Variants in CTNNA3 observed in about 807,000 individuals in gnomAD.
The protein encoded by CTNNA3 is catenin alpha 3, also known as catenin alpha-3.
Under a neutral mutation model 95.7 loss-of-function variants are expected in CTNNA3, and 76 were observed. The ratio of observed to expected loss-of-function variants is 0.79; its 90% CI spans 0.66 to 0.96. The LOEUF is 0.96. Among genes scored for constraint, CTNNA3 ranks in the 40% least tolerant of loss-of-function variants. The pLI is 0.00. For synonymous variants in CTNNA3, 431 were observed against 374.4 expected (o/e 1.15, Z -1.74); for missense variants, 1,191 against 1,089.8 (o/e 1.09, Z -1.31).
intron 2 of CTNNA3, among the ~76,000 whole-genome samples, chr10:67,627,058 G>A (rs1838981097): frequency 1.3e-5 from 2 of 152,130 alleles, no homozygotes; most frequent in Non-Finnish European, 1.5e-5. Flanking sequence ...TTGTTTCTAT[G>A]ATATTCTTGA....
intron 15 of CTNNA3, among the ~76,000 whole-genome samples, chr10:66,034,884 T>G (rs2079529500): frequency 7.1e-6 from 1 of 141,462 alleles, no homozygotes; most frequent in African/African-American, 2.6e-5. Flanking sequence ...AACATTTAAT[T>G]ATATGTTTAA....
chr10:66,511,109 T>TATGAAACTGATCTAAACCCCTTCAC (rs1465971727), intron 11 of CTNNA3, among the ~76,000 whole-genome samples: 1 of 151,890 alleles, frequency 6.6e-6, no homozygotes, highest in Non-Finnish European at 1.5e-5. Context: ...TGGTTCAATC[T>TATGAAACTGATCTAAACCCCTTCAC]TGGTATTTTA....
chr10:66,460,349 T>C (rs1380839290), intron 11 of CTNNA3, among the ~76,000 whole-genome samples: 1 of 152,204 alleles, frequency 6.6e-6, no homozygotes, highest in African/African-American at 2.4e-5. Flanking sequence ...AAGACTTTTT[T>C]CACAAATTAA....
At chr10:66,798,528 A>G (rs1437859693) in intron 7 of CTNNA3, among the ~76,000 whole-genome samples, 1 of 151,672 alleles carries the variant, frequency 6.6e-6, no homozygotes, top group Admixed American at 6.6e-5. Flanking sequence ...TATTTTAGTT[A>G]GGTAAATGGC....
rs374728122 is a variant in CTNNA3 at position 66,899,618 on chromosome 10, T to G, written c.1048-124094A>C. 3.9e-5 allele frequency among the ~76,000 whole-genome samples: 6 copies of G among 152,202 alleles called. No individual in the cohort carries two copies. The East Asian group carries it at 1.2e-3, about 29-fold the overall frequency. ...CTAGACAAGGGAAGCCATGACAGAC[T>G]GTACCGGGAAAAACGGTACACTTCC... On this transcript the variant is annotated intron_variant, in intron 7 of 17. Coordinates refer to ENST00000433211, the MANE Select transcript of CTNNA3 (RefSeq NM_013266.4).
intron 9 of CTNNA3, among the ~76,000 whole-genome samples, chr10:66,733,879 A>C (rs1043751830): frequency 4.0e-5 from 6 of 151,762 alleles, no homozygotes; most frequent in Non-Finnish European, 8.8e-5. Context: ...CTATTAGGTA[A>C]TCTTTAAAAA....
chr10:66,198,802 C>T (rs1035747444), intron 13 of CTNNA3, among the ~76,000 whole-genome samples: 1 of 152,080 alleles, frequency 6.6e-6, no homozygotes, highest in Non-Finnish European at 1.5e-5. Context: ...TCCAAAAGTC[C>T]TATGAGCGAA....
Position 66,827,538 on chromosome 10 carries a change from C to T in CTNNA3, c.1048-52014G>A, listed in dbSNP as rs12253523. On this transcript the variant is annotated intron_variant, in intron 7 of 17. Transcript: ENST00000433211. The stretch of plus-strand genomic sequence containing the variant: ...GTGGAAAAAGTCTCGTAATTGGAAA[C>T]CAGAGTCTGTTTGAGTCATGGTTCT... Among the ~76,000 whole-genome samples the T allele has an allele frequency of 2.5e-3, 374 of 152,246 alleles. 2 individuals carry two copies. The highest frequency in any genetic ancestry group is 8.7e-3 in the African/African-American group (360 of 41,544).
chr10:66,953,407 G>A (rs1451481559), intron 7 of CTNNA3, among the ~76,000 whole-genome samples: 1 of 152,138 alleles, frequency 6.6e-6, no homozygotes, highest in Non-Finnish European at 1.5e-5. Flanking sequence ...CATGAATCAA[G>A]GAGGTTTATT....
intron 5 of CTNNA3, among the ~76,000 whole-genome samples, chr10:67,383,279 A>G (rs1027807909): frequency 1.3e-5 from 2 of 152,206 alleles, no homozygotes; most frequent in Admixed American, 6.5e-5. Flanking sequence ...TTTATTCAAC[A>G]GGAAGATGAA....
intron 7 of CTNNA3, among the ~76,000 whole-genome samples, chr10:66,811,206 G>A (rs1218379467): frequency 6.6e-6 from 1 of 152,130 alleles, no homozygotes; most frequent in East Asian, 1.9e-4. Flanking sequence ...TCTAGATAAG[G>A]CAACCAGTGT....
At chr10:66,123,577 G>A (rs2082681426) in intron 13 of CTNNA3, among the ~76,000 whole-genome samples, 1 of 152,102 alleles carries the variant, frequency 6.6e-6, no homozygotes, top group Non-Finnish European at 1.5e-5. Context: ...TCTGTATAGG[G>A]GCTCTGACCC....
intron 3 of CTNNA3, among the ~76,000 whole-genome samples, chr10:67,566,041 G>GTATATATATATATATATATATATATA (rs1388066358): frequency 1.9e-3 from 57 of 29,398 alleles, no homozygotes; most frequent in African/African-American, 3.5e-3. Flanking sequence ...ATATGTGTGT[G>GTATATATATATATATATATATATATA]TGTATATATA....
At position 67,752,727 on chromosome 10, in the gene CTNNA3, CT is replaced by C. The variant is rs1841413783; in HGVS notation, c.-2+10706del. ...ATCATGAATGAACTCCCATTCACAACTGCTACAAATAAAATACTTAGGAATA... is the reference window on the plus strand; with the variant it reads ...ATCATGAATGAACTCCCATTCACAACGCTACAAATAAAATACTTAGGAATA... On this transcript the variant is annotated intron_variant, in intron 1 of 17. Transcript: ENST00000684154. Among the ~76,000 whole-genome samples, 3 of 151,690 alleles carry C rather than the reference CT, an allele frequency of 2.0e-5. No homozygotes were observed. In the South Asian group the frequency reaches 6.2e-4, roughly 32 times the overall value.
At chr10:66,706,533 T>TA (rs1848124058) in intron 9 of CTNNA3, among the ~76,000 whole-genome samples, 1 of 151,846 alleles carries the variant, frequency 6.6e-6, no homozygotes, top group African/African-American at 2.4e-5. Flanking sequence ...AGCAGTGGAT[T>TA]AAAAAAACAC....
intron 14 of CTNNA3, chr10:66,084,747 A>G (rs1399044372): frequency 6.6e-6 from 1 of 152,230 alleles, no homozygotes; most frequent in Non-Finnish European, 1.5e-5. Context: ...GGGACACAAT[A>G]ATCAAAAAAT....
chr10:67,455,998 T>C (rs899381131), intron 5 of CTNNA3, among the ~76,000 whole-genome samples: 2 of 152,196 alleles, frequency 1.3e-5, no homozygotes, highest in African/African-American at 4.8e-5. Flanking sequence ...AAGAAAGGTA[T>C]ACAAGAACTC....
chr10:67,088,958 A>C (rs1662534415), intron 7 of CTNNA3, among the ~76,000 whole-genome samples: 1 of 152,078 alleles, frequency 6.6e-6, no homozygotes, highest in Non-Finnish European at 1.5e-5. Context: ...ATTAATACGA[A>C]TAGAACAATA....
At position 66,004,054 on chromosome 10, in the gene CTNNA3, A is replaced by C. The variant is rs181023756; in HGVS notation, c.2160-15257T>G. On this transcript the variant is annotated intron_variant, in intron 15 of 17. Transcript: ENST00000433211. ...CCTTAACTTTTCTCCAACATATAAG[A>C]ATACAGGTCAGTTTCAAATGAATAG... is the stretch of plus-strand genomic sequence containing the variant. Among the ~76,000 whole-genome samples, 6 of 152,362 alleles carry C rather than the reference A, an allele frequency of 3.9e-5. No individual in the cohort carries two copies. In the East Asian group the frequency reaches 1.2e-3, roughly 29 times the overall value.
Sources: allele counts gnomAD v4.1 joint callset (sites outside exome capture counted in the v4.1 genomes callset), GRCh38; gene constraint gnomAD v4.1.1; transcripts MANE v1.5; gene names NCBI Gene and HGNC (gene_info 2026-07-23, HGNC 2026-07-21).